Variants in TACC2 observed in about 807,000 individuals in gnomAD.
TACC2 encodes transforming acidic coiled-coil containing protein 2.
Under a neutral mutation model 227.3 loss-of-function variants are expected in TACC2, and 137 were observed. The ratio of observed to expected loss-of-function variants is 0.60; its 90% CI spans 0.52 to 0.69. The LOEUF (loss-of-function observed/expected upper bound fraction) is 0.69. TACC2 is among the 30% of genes least tolerant of loss of function. The pLI is 0.00. For missense variants in TACC2, 3,470 were observed against 3,694.4 expected (o/e 0.94, Z 1.57); for synonymous variants, 1,523 against 1,487.5 (o/e 1.02, Z -0.55).
intron 1 of TACC2, among the ~76,000 whole-genome samples, chr10:122,007,481 A>G (rs1444223487): frequency 1.3e-5 from 2 of 152,152 alleles, no homozygotes; most frequent in Non-Finnish European, 2.9e-5. Flanking sequence ...CTCAAGTAAT[A>G]TGTGTGAAAT....
chr10:121,995,785 C>T (rs1346715566), intron 1 of TACC2, among the ~76,000 whole-genome samples: 2 of 152,116 alleles, frequency 1.3e-5, no homozygotes, highest in East Asian at 1.9e-4. Context: ...GACAGAGTCT[C>T]GTTCTGTCGC....
At chr10:122,021,878 G>GA (rs1338798720) in intron 1 of TACC2, 59 bp from the exon 2 acceptor site, 7 of 1,055,288 alleles carry the variant, frequency 6.6e-6, no homozygotes, top group East Asian at 4.9e-5. Flanking sequence ...TGAGCAGACA[G>GA]AAAAAACCTC....
intron 1 of TACC2, among the ~76,000 whole-genome samples, chr10:122,021,434 T>C (rs1469903504): frequency 6.6e-6 from 1 of 152,050 alleles, no homozygotes; most frequent in Non-Finnish European, 1.5e-5. Flanking sequence ...AACAAGTGTT[T>C]AGAGTAAAAA....
In TACC2 at chr10:122,254,221, C is replaced by CT. The variant is rs762007046; in HGVS notation, c.*166dup. 4 of 702,254 alleles carry CT rather than the reference C, an allele frequency of 5.7e-6. No individual in the cohort carries two copies. In the East Asian group the frequency reaches 1.1e-4, roughly 19 times the overall value. The allele number at this position is 702,254 out of a possible 1,614,324, so 43.5% of individuals were successfully genotyped here. ...TTGATTGTATGCAGTACTAAGGAGA[C>CT]TATCAGAATTTCTTGCTATTGGTTT... On this transcript the variant is annotated 3_prime_UTR_variant, in exon 23 of 23. Coordinates refer to ENST00000369005, the MANE Select transcript of TACC2 (RefSeq NM_206862.4).
chr10:122,073,123 AAAAAT>A (rs1425057659), intron 3 of TACC2, among the ~76,000 whole-genome samples: 17 of 68,316 alleles, frequency 2.5e-4, no homozygotes, highest in African/African-American at 7.4e-4. Context: ...AAAAAAAAAA[AAAAAT>A]ATATATATAT....
At chr10:122,103,753 C>A (rs1251495636) in intron 5 of TACC2, among the ~76,000 whole-genome samples, 2 of 151,810 alleles carry the variant, frequency 1.3e-5, no homozygotes, top group East Asian at 3.9e-4. Flanking sequence ...AGCTGTAGAG[C>A]TGAGGGAGGC....
At chr10:122,163,331 T>A (rs2092934969) in intron 7 of TACC2, 1 of 151,954 alleles carries the variant, frequency 6.6e-6, no homozygotes, top group African/African-American at 2.4e-5. Context: ...AGCCCCCTAC[T>A]CTCTCGGTGG....
At chr10:122,144,498 G>A (rs2091110248) in intron 7 of TACC2, among the ~76,000 whole-genome samples, 1 of 152,186 alleles carries the variant, frequency 6.6e-6, no homozygotes, top group Non-Finnish European at 1.5e-5. Context: ...TGGGTGTGCT[G>A]AGAACGGCAG....
At chr10:122,019,172 T>C (rs1957042971) in intron 1 of TACC2, among the ~76,000 whole-genome samples, 1 of 152,162 alleles carries the variant, frequency 6.6e-6, no homozygotes, top group Admixed American at 6.5e-5. Flanking sequence ...CCATCCAGGG[T>C]GGGCCGGCAA....
chr10:122,150,617 C>A lies in TACC2; in HGVS notation c.5834+6911C>A, dbSNP rs2091938297. 6.6e-6 allele frequency among the ~76,000 whole-genome samples: 1 copy of A among 152,174 alleles called. No individual in the cohort carries two copies. The highest frequency in any genetic ancestry group is 2.4e-5 in the African/African-American group (1 of 41,444). On this transcript the variant is annotated intron_variant, in intron 7 of 22. Transcript: ENST00000369005. The surrounding 1 kb of genome is among the most constrained non-coding windows in gnomAD (Gnocchi z 4.0). Reference sequence around the variant, plus strand: ...GCCCCAAAGGTGGTGGAGAAATAGACCCCCAAACCAAGGGAGGCAGGGCCC... The same window carrying A: ...GCCCCAAAGGTGGTGGAGAAATAGAACCCCAAACCAAGGGAGGCAGGGCCC...
intron 1 of TACC2, among the ~76,000 whole-genome samples, chr10:122,019,455 G>A (rs763084736): frequency 6.6e-6 from 1 of 152,350 alleles, no homozygotes; most frequent in East Asian, 1.9e-4. Context: ...ACTGCATAAA[G>A]GGCAAGAGAG....
chr10:122,207,870 T>C (rs991982327), intron 8 of TACC2, among the ~76,000 whole-genome samples: 5 of 152,178 alleles, frequency 3.3e-5, no homozygotes, highest in African/African-American at 1.2e-4. Flanking sequence ...TTGGTGTTTG[T>C]GGGCCTTGAC....
intron 21 of TACC2, 56 bp from the exon 22 acceptor site, chr10:122,249,488 A>G: frequency 6.3e-7 from 1 of 1,588,426 alleles, no homozygotes; most frequent in Admixed American, 1.7e-5. Flanking sequence ...GGGAAGCAGG[A>G]GGTGTCTCTA....
intron 10 of TACC2, among the ~76,000 whole-genome samples, chr10:122,216,118 G>A (rs1325777326): frequency 6.6e-6 from 1 of 152,138 alleles, no homozygotes; most frequent in East Asian, 1.9e-4. Flanking sequence ...GAAGCACTCA[G>A]CCCTGGGGAT....
At chr10:122,148,642 A>C (rs1009555067) in intron 7 of TACC2, among the ~76,000 whole-genome samples, 1 of 152,246 alleles carries the variant, frequency 6.6e-6, no homozygotes, top group African/African-American at 2.4e-5. Flanking sequence ...ACATCTTATT[A>C]CAGAATTGAC....
rs1406609251 is a variant in TACC2 at position 122,084,858 on chromosome 10, C to T, written c.2358C>T (p.Asn786=). 1.4e-5 allele frequency: 22 copies of T among 1,613,836 alleles called. No homozygotes were observed. Among genetic ancestry groups the T allele is most frequent in the Non-Finnish European group, 1.7e-5 (20 of 1,180,040 alleles). The part of the protein sequence containing the change: ...AGVPHPPQGE[N]LAADLGLTAL... ...TGCCACATCCCCCCCAGGGGGAGAA[C>T]TTGGCAGCAGACCTGGGGCTCACGG... is the stretch of plus-strand genomic sequence containing the variant. Residue 786 remains asparagine, a synonymous_variant, in exon 4 of 23, where the codon AAC becomes AAT. Coordinates refer to ENST00000369005, the MANE Select transcript of TACC2 (RefSeq NM_206862.4).
At chr10:122,189,440 C>T (rs974597785) in intron 7 of TACC2, among the ~76,000 whole-genome samples, 11 of 152,096 alleles carry the variant, frequency 7.2e-5, no homozygotes, top group Non-Finnish European at 1.0e-4. Context: ...TGGCTTTCCC[C>T]GACCAGGGCT....
intron 16 of TACC2, among the ~76,000 whole-genome samples, chr10:122,234,441 G>A (rs59635444): frequency 1.3e-5 from 2 of 152,216 alleles, no homozygotes; most frequent in Non-Finnish European, 2.9e-5. Flanking sequence ...GCAAGTGGGG[G>A]TTATGTGAGA....
intron 7 of TACC2, among the ~76,000 whole-genome samples, chr10:122,189,975 C>T (rs548377416): frequency 6.6e-6 from 1 of 152,266 alleles, no homozygotes; most frequent in South Asian, 2.1e-4. Flanking sequence ...ATTTTATGGC[C>T]TTTGCAATTT....
Sources: gnomAD v4.1 joint callset for allele counts (sites outside exome capture counted in the v4.1 genomes callset) on GRCh38, gnomAD v4.1.1 for gene constraint, Gnocchi (gnomAD v3.1) non-coding constraint, MANE v1.5 for transcripts, NCBI Gene and HGNC (gene_info 2026-07-23, HGNC 2026-07-21) for gene names.